The following GATA5 variants were observed in gnomAD, a reference collection of about 807,000 sequenced individuals.
The protein encoded by GATA5 is transcription factor GATA-5.
A neutral mutation model predicts 35.0 loss-of-function variants in GATA5; 27 were observed. That is an observed-to-expected ratio of 0.77 (90% CI 0.57 to 1.06). The LOEUF is 1.06. Among genes scored for constraint, GATA5 ranks in the 50% least tolerant of loss-of-function variants. The probability of loss-of-function intolerance (pLI) is 0.00; values close to 1 mark genes in which losing one functional copy is unlikely to be tolerated. For missense variants in GATA5, 612 were observed against 580.0 expected (o/e 1.06, Z -0.57); for synonymous variants, 306 against 267.8 (o/e 1.14, Z -1.39).
Position 62,470,121 on chromosome 20 carries a change from C to A in GATA5, c.699+3282G>T, listed in dbSNP as rs963592895. 1.3e-5 allele frequency among the ~76,000 whole-genome samples: 2 copies of A among 152,392 alleles called. No individual in the cohort carries two copies. Among genetic ancestry groups the A allele is most frequent in the South Asian group, 2.1e-4 (1 of 4,834 alleles). ...AAAGCCTCCTTGCGCGCAGCAGAGCCGCTCTAAGCACCAGGCTCTGTGTGC... is the reference window on the plus strand; with the variant it reads ...AAAGCCTCCTTGCGCGCAGCAGAGCAGCTCTAAGCACCAGGCTCTGTGTGC... On this transcript the variant is annotated intron_variant, in intron 3 of 6. Transcript: ENST00000252997. The surrounding 1 kb of genome is among the most constrained non-coding windows in gnomAD (Gnocchi z 4.6).
At chr20:62,466,218 C>G (rs1446879334) in intron 4 of GATA5, among the ~76,000 whole-genome samples, 2 of 152,192 alleles carry the variant, frequency 1.3e-5, no homozygotes, top group South Asian at 4.1e-4. Context: ...CCTCAGTCAG[C>G]GCGTCTGTGC....
intron 3 of GATA5, 34 bp downstream of exon 3, chr20:62,473,369 C>CGCCCAGGCGCCCCTCT (rs1555896738): frequency 1.9e-6 from 3 of 1,578,726 alleles, no homozygotes; most frequent in Non-Finnish European, 8.6e-7. Flanking sequence ...GGGAGCACTG[C>CGCCCAGGCGCCCCTCT]GCCCAGGCGC....
rs1555896426 is a variant in GATA5 at position 62,470,159 on chromosome 20, C to T, written c.699+3244G>A. Among the ~76,000 whole-genome samples the T allele has an allele frequency of 6.6e-6, 1 of 152,248 alleles. No individual in the cohort carries two copies. Among genetic ancestry groups the T allele is most frequent in the East Asian group, 1.9e-4 (1 of 5,202 alleles). On this transcript the variant is annotated intron_variant, in intron 3 of 6. Coordinates refer to ENST00000252997, the MANE Select transcript of GATA5 (RefSeq NM_080473.5). This position sits in a 1 kb window ranked among gnomAD's most constrained non-coding sequence, Gnocchi z 4.6. ...AGGCTCTGTGTGCATCTGAGACATCCAAATAAATCAGGCTCTGGGCAGGGC... is the reference window on the plus strand; with the variant it reads ...AGGCTCTGTGTGCATCTGAGACATCTAAATAAATCAGGCTCTGGGCAGGGC...
rs1052817943 is a variant in GATA5 at position 62,464,351 on chromosome 20, C to A, written c.*485G>T. On this transcript the variant is annotated 3_prime_UTR_variant, in exon 7 of 7. Coordinates refer to ENST00000252997, the MANE Select transcript of GATA5 (RefSeq NM_080473.5). ...CCATGTGGGCAATGAAGGACAGCCC[C>A]GAGGCCTCAGGAGGCCCATGTCCAG... The A allele has an allele frequency of 6.5e-6, 1 of 152,740 alleles. No individual in the cohort carries two copies. The highest frequency in any genetic ancestry group is 1.5e-5 in the Non-Finnish European group (1 of 68,412). The allele number at this position is 152,740 out of a possible 1,614,324, so 9.5% of individuals were successfully genotyped here.
chr20:62,469,310 C>T (rs751250721), intron 3 of GATA5, among the ~76,000 whole-genome samples: 4 of 152,224 alleles, frequency 2.6e-5, no homozygotes, highest in South Asian at 4.1e-4. Flanking sequence ...CACATGGAAC[C>T]GTGTGTGGCC....
rs73149261 is a variant in GATA5 at position 62,464,606 on chromosome 20, T to A, written c.*230A>T. The A allele has an allele frequency of 2.3e-6, 1 of 430,628 alleles. No individual in the cohort carries two copies. The highest frequency in any genetic ancestry group is 4.1e-6 in the Non-Finnish European group (1 of 245,666). The allele number at this position is 430,628 out of a possible 1,614,324, so 26.7% of individuals were successfully genotyped here. The stretch of plus-strand genomic sequence containing the variant: ...GGGCCGCACCTGGGGAGTCCCTTGC[T>A]GTACGTGGGGTGGGAAGCTGAGCCC... On this transcript the variant is annotated 3_prime_UTR_variant, in exon 7 of 7. Transcript: ENST00000252997.
At position 62,475,058 on chromosome 20, in the gene GATA5, G is replaced by A. The variant is rs1555896969; in HGVS notation, c.464C>T (p.Thr155Ile). 2 of 1,418,132 alleles carry A rather than the reference G, an allele frequency of 1.4e-6. No individual in the cohort carries two copies. The highest frequency in any genetic ancestry group is 9.2e-7 in the Non-Finnish European group (1 of 1,082,816). The allele number at this position is 1,418,132 out of a possible 1,614,324, so 87.8% of individuals were successfully genotyped here. A position where few individuals can be genotyped will look rare whatever the true frequency, so the allele number is the denominator to read the frequency against. ...GACGCTGCCATCGAAGGGCCCGGCA[G>A]TCCAGGACTGGGCCACGTCGGGGCT... ...YVSPDVAQSW[T>I]AGPFDGSVLH... Residue 155 changes from threonine (T) to isoleucine (I), a missense_variant, in exon 2 of 7, where the codon ACT (threonine) becomes ATT (isoleucine). Transcript: ENST00000252997.
At position 62,465,914 on chromosome 20, in the gene GATA5, C is replaced by T. The variant is rs1259806979; in HGVS notation, c.833G>A (p.Arg278Gln). ...GCTTTCCTTCTTCATAGCCAGAGGC[C>T]GCGGCACCTGGCAGGGGTGGCGAGG... ...GLYMKLHGVP[R>Q]PLAMKKESIQ... Residue 278 changes from arginine (R) to glutamine (Q), a missense_variant, in exon 5 of 7, where the codon CGG (arginine) becomes CAG (glutamine). Transcript: ENST00000252997. 8.2e-6 allele frequency: 13 copies of T among 1,589,992 alleles called. No individual in the cohort carries two copies. The highest frequency in any genetic ancestry group is 5.7e-5 in the South Asian group (5 of 87,442).
chr20:62,466,951 A>C (rs782484066), intron 3 of GATA5, among the ~76,000 whole-genome samples: 22 of 152,164 alleles, frequency 1.4e-4, no homozygotes, highest in Non-Finnish European at 3.2e-4. Flanking sequence ...AGGCCAAGAC[A>C]CAACAAGCGT....
rs1014473189 is a variant in GATA5, at chr20:62,470,534, G to T, written c.699+2869C>A. 2.6e-5 allele frequency among the ~76,000 whole-genome samples: 4 copies of T among 152,178 alleles called. No individual in the cohort carries two copies. The highest frequency in any genetic ancestry group is 5.9e-5 in the Non-Finnish European group (4 of 68,024). On this transcript the variant is annotated intron_variant, in intron 3 of 6. Coordinates refer to ENST00000252997, the MANE Select transcript of GATA5 (RefSeq NM_080473.5). This position sits in a 1 kb window ranked among gnomAD's most constrained non-coding sequence, Gnocchi z 4.6. ...ACTTGGGGACGTGGGTCTGTGAAGG[G>T]CTCGAAGGAAGGAAACCCTGGGGTT...
At position 62,465,335 on chromosome 20, in the gene GATA5, C is replaced by T. The variant is rs1240492588; in HGVS notation, c.1038+5G>A. 1.9e-6 allele frequency: 3 copies of T among 1,591,784 alleles called. No homozygotes were observed. The highest frequency in any genetic ancestry group is 2.5e-6 in the Non-Finnish European group (3 of 1,176,652). ...TGGGCACCCCACCCCAGCCCACCCCCTTACCTGGGGGGCCATGCTGGGCCC... is the reference window on the plus strand; with the variant it reads ...TGGGCACCCCACCCCAGCCCACCCCTTTACCTGGGGGGCCATGCTGGGCCC... On this transcript the variant is annotated splice_donor_5th_base_variant and intron_variant, in intron 6 of 6. Transcript: ENST00000252997.
Position 62,466,563 on chromosome 20 carries a change from A to G in GATA5, c.700-12T>C. On this transcript the variant is annotated splice_polypyrimidine_tract_variant and intron_variant, in intron 3 of 6. Transcript: ENST00000252997. ...CGGCGGGACGAGGACTGTGGGGGCGAGGGAGACTGGAGTGAGCCCCGGGCC... is the reference window on the plus strand; with the variant it reads ...CGGCGGGACGAGGACTGTGGGGGCGGGGGAGACTGGAGTGAGCCCCGGGCC... 1 of 1,545,552 alleles carries G rather than the reference A, an allele frequency of 6.5e-7. No individual in the cohort carries two copies. Among genetic ancestry groups the G allele is most frequent in the South Asian group, 1.2e-5 (1 of 84,044 alleles).
chr20:62,475,126 C>G lies in GATA5; in HGVS notation c.396G>C (p.Arg132=). The change falls in exon 2 of 7, where the codon CGG becomes CGC. Residue 132 remains arginine (R), a synonymous_variant. Transcript: ENST00000252997. The part of the protein sequence containing the change: ...PREQFAAPLG[R]PVGTSYSATY... ...TGGCGGAGTACGAGGTCCCCACCGG[C>G]CGCCCAAGCGGGGCCGCGAACTGTT... The G allele has an allele frequency of 7.3e-7, 1 of 1,372,284 alleles. No homozygotes were observed. Among genetic ancestry groups the G allele is most frequent in the Non-Finnish European group, 9.4e-7 (1 of 1,059,646 alleles). 85.0% of individuals were successfully genotyped at this position (1,372,284 alleles called of 1,614,324 possible). A position where few individuals can be genotyped will look rare whatever the true frequency, so the allele number is the denominator to read the frequency against.
At chr20:62,465,492 A>G (rs1555895976) in intron 5 of GATA5, 28 bp from the exon 6 acceptor site, 1 of 1,596,592 alleles carries the variant, frequency 6.3e-7, no homozygotes, top group East Asian at 2.2e-5. Context: ...GTGTTTACAG[A>G]GGGGTCAGGT....
intron 2 of GATA5, among the ~76,000 whole-genome samples, chr20:62,474,355 G>A (rs1390032374): frequency 1.3e-5 from 2 of 152,252 alleles, no homozygotes; most frequent in Non-Finnish European, 1.5e-5. Context: ...GGGAGGCGGG[G>A]GCCAGGGGTC....
rs1989706288 is a variant in GATA5, at chr20:62,470,984, C to T, written c.699+2419G>A. Among the ~76,000 whole-genome samples, 2 of 152,212 alleles carry T rather than the reference C, an allele frequency of 1.3e-5. No homozygotes were observed. Among genetic ancestry groups the T allele is most frequent in the Admixed American group, 1.3e-4 (2 of 15,284 alleles). On this transcript the variant is annotated intron_variant, in intron 3 of 6. Transcript: ENST00000252997. The surrounding 1 kb of genome is among the most constrained non-coding windows in gnomAD (Gnocchi z 4.6). ...ATTAGCCCGTCCTCAGAGCCAAGGC[C>T]CAAGCACACAACACCAGCTAATTTA...
In GATA5 at chr20:62,465,403, G is replaced by A. The variant is rs1448158835; in HGVS notation, c.975C>T (p.Ala325=). The part of the protein sequence containing the change: ...SAVASTDSSA[A]TSKAKPSLAS... ...CCAGGCTGGGCTTGGCTTTCGAAGT[G>A]GCTGCTGAGCTGTCAGTGCTGGCGA... Residue 325 remains alanine (A), a synonymous_variant, in exon 6 of 7, where the codon GCC becomes GCT. Transcript: ENST00000252997. 1 of 1,607,696 alleles carries A rather than the reference G, an allele frequency of 6.2e-7. No homozygotes were observed. The highest frequency in any genetic ancestry group is 1.3e-5 in the African/African-American group (1 of 74,902).
Position 62,475,079 on chromosome 20 carries a change from G to T in GATA5, c.443C>A (p.Pro148His). ...YSATYPAYVS[P>H]DVAQSWTAGP... ...GGCAGTCCAGGACTGGGCCACGTCG[G>T]GGCTCACGTAGGCCGGGTAGGTGGC... Residue 148 changes from proline (P) to histidine (H), a missense_variant, in exon 2 of 7, where the codon CCC becomes CAC. Pro to His is a moderately conservative substitution (Grantham distance 77, BLOSUM62 -2). Coordinates refer to ENST00000252997, the MANE Select transcript of GATA5 (RefSeq NM_080473.5). The T allele has an allele frequency of 7.1e-7, 1 of 1,410,492 alleles. No homozygotes were observed. Among genetic ancestry groups the T allele is most frequent in the Non-Finnish European group, 9.3e-7 (1 of 1,078,754 alleles). 87.4% of individuals were successfully genotyped at this position (1,410,492 alleles called of 1,614,324 possible).
chr20:62,469,881 C>T (rs1212353307), intron 3 of GATA5, among the ~76,000 whole-genome samples: 2 of 152,142 alleles, frequency 1.3e-5, no homozygotes, highest in Non-Finnish European at 2.9e-5. Context: ...AACCGCCCCC[C>T]TCGGCCAGGT....
Sources: gnomAD v4.1 joint callset for allele counts (sites outside exome capture counted in the v4.1 genomes callset) on GRCh38, gnomAD v4.1.1 for gene constraint, Gnocchi (gnomAD v3.1) non-coding constraint, MANE v1.5 for transcripts, NCBI Gene and HGNC (gene_info 2026-07-23, HGNC 2026-07-21) for gene names.